Variants in NAIP observed in about 807,000 individuals in gnomAD.
NAIP encodes the protein NLR family apoptosis inhibitory protein, also known as baculoviral IAP repeat-containing protein 1.
NAIP carries 15 observed loss-of-function variants against 23.0 expected under a neutral mutation model. The ratio of observed to expected loss-of-function variants is 0.65; its 90% CI spans 0.44 to 1.00. The LOEUF is 1.00. Ranked by LOEUF, NAIP falls within the 50% of genes least tolerant of loss-of-function variation. The probability of loss-of-function intolerance (pLI) is 0.00; values close to 1 mark genes in which losing one functional copy is unlikely to be tolerated. For synonymous variants in NAIP, 100 were observed against 100.2 expected (o/e 1.00, Z 0.01); for missense variants, 265 against 278.8 (o/e 0.95, Z 0.35).
chr5:71,011,418 AG>A (rs1751152377), intron 4 of NAIP, 44 bp from the exon 5 acceptor site: 8 of 1,443,146 alleles, frequency 5.5e-6, no homozygotes, highest in African/African-American at 2.8e-5. Context: ...CAGTGGCACC[AG>A]GGGGTATGTA....
chr5:70,979,561 G>GGAGAC (rs1227034178), intron 13 of NAIP, among the ~76,000 whole-genome samples: 1 of 21,912 alleles, frequency 4.6e-5, no homozygotes, highest in Non-Finnish European at 7.2e-5. Context: ...GGCGACAGCG[G>GGAGAC]GAGACTGTCT....
Position 71,010,989 on chromosome 5 carries a change from T to A in NAIP, c.668+286A>T, listed in dbSNP as rs548960183. ...GGCTCACGCCTGTAATCCTAGCACTTCGGGAGGCCTAGGTGGGTGGACTGC... is the reference window on the plus strand; with the variant it reads ...GGCTCACGCCTGTAATCCTAGCACTACGGGAGGCCTAGGTGGGTGGACTGC... On this transcript the variant is annotated intron_variant, in intron 5 of 16. Coordinates refer to ENST00000517649, the MANE Select transcript of NAIP (RefSeq NM_004536.3). Among the ~76,000 whole-genome samples the A allele has an allele frequency of 2.0e-5, 3 of 151,240 alleles. 1 individual carries two copies. In the South Asian group the frequency reaches 6.3e-4, roughly 32 times the overall value.
intron 5 of NAIP, among the ~76,000 whole-genome samples, chr5:71,009,322 G>C (rs1433467408): frequency 1.4e-5 from 2 of 138,554 alleles, no homozygotes; most frequent in Non-Finnish European, 3.1e-5. Context: ...CTAAACTCCA[G>C]TCTGGGCTCC....
intron 4 of NAIP, among the ~76,000 whole-genome samples, 171 bp downstream of exon 4, chr5:71,012,177 T>C (rs546534810): frequency 6.6e-6 from 1 of 151,692 alleles, no homozygotes; most frequent in East Asian, 1.9e-4. Flanking sequence ...AAATAGAAAA[T>C]GAAGCAAAAA....
chr5:71,014,205 C>A (rs1049584922), intron 3 of NAIP, among the ~76,000 whole-genome samples: 3 of 150,964 alleles, frequency 2.0e-5, no homozygotes, highest in African/African-American at 7.3e-5. Context: ...TCAAGCAATT[C>A]TCCTGCCTCA....
At position 71,024,807 on chromosome 5, in the gene NAIP, T is replaced by C. The variant is rs76165570; in HGVS notation, c.-411A>G. The C allele has an allele frequency of 8.5e-5, 6 of 70,196 alleles. No homozygotes were observed. Among genetic ancestry groups the C allele is most frequent in the African/African-American group, 2.7e-4 (6 of 22,456 alleles). 4.3% of individuals were successfully genotyped at this position (70,196 alleles called of 1,614,324 possible). ...GGTGCCATCACTTAGGCATGATTGG[T>C]TAAATCACTGGCAACTGGTGGTTAA... On this transcript the variant is annotated 5_prime_UTR_variant, in exon 1 of 17. Coordinates refer to ENST00000517649, the MANE Select transcript of NAIP (RefSeq NM_004536.3).
intron 3 of NAIP, among the ~76,000 whole-genome samples, chr5:71,014,304 G>C (rs1043197981): frequency 6.6e-6 from 1 of 151,172 alleles, no homozygotes; most frequent in African/African-American, 2.4e-5. Flanking sequence ...TGCCATGTTG[G>C]CCAGCTTGGT....
At chr5:71,016,215 G>A (rs1751440024) in intron 3 of NAIP, among the ~76,000 whole-genome samples, 1 of 149,542 alleles carries the variant, frequency 6.7e-6, no homozygotes, top group African/African-American at 2.5e-5. Context: ...GATCTCTTGA[G>A]CCCAGGAATA....
At chr5:70,978,818 A>G (rs1370492698) in intron 13 of NAIP, among the ~76,000 whole-genome samples, 1 of 38,072 alleles carries the variant, frequency 2.6e-5, no homozygotes, top group Non-Finnish European at 4.0e-5. Context: ...TCTGAGATGG[A>G]GTTTTGCTCT....
chr5:70,978,154 T>A (rs867111413), intron 13 of NAIP, among the ~76,000 whole-genome samples: 2,008 of 94,258 alleles, frequency 0.021, 2 homozygotes, highest in African/African-American at 0.092. Flanking sequence ...TATATATTTT[T>A]TTTTTTTTTT....
At chr5:71,011,777 A>T (rs1234943205) in intron 4 of NAIP, 3 of 451,312 alleles carry the variant, frequency 6.6e-6, no homozygotes, top group Non-Finnish European at 1.3e-5. Flanking sequence ...CTGAGCCTCC[A>T]TGAACTCAGC....
At chr5:71,013,162 C>T (rs924008105) in intron 3 of NAIP, among the ~76,000 whole-genome samples, 3 of 151,494 alleles carry the variant, frequency 2.0e-5, no homozygotes, top group Admixed American at 1.3e-4. Context: ...ACAAGACAGA[C>T]ACCCATCTGC....
At chr5:71,014,414 C>T (rs1367864464) in intron 3 of NAIP, among the ~76,000 whole-genome samples, 2 of 151,414 alleles carry the variant, frequency 1.3e-5, no homozygotes, top group Admixed American at 6.6e-5. Context: ...GCTCCCACAC[C>T]GGGATTACAG....
chr5:71,012,044 C>T (rs185059333), intron 4 of NAIP, among the ~76,000 whole-genome samples: 4 of 151,548 alleles, frequency 2.6e-5, no homozygotes, highest in South Asian at 2.1e-4. Flanking sequence ...TCAGGATGAC[C>T]GCATGAGTTA....
chr5:71,009,291 C>A (rs1751030613), intron 5 of NAIP, among the ~76,000 whole-genome samples: 1 of 138,696 alleles, frequency 7.2e-6, no homozygotes, highest in Admixed American at 7.6e-5. Context: ...GTGGAGGTTG[C>A]AGTGAGCTGA....
intron 3 of NAIP, among the ~76,000 whole-genome samples, chr5:71,013,579 G>T (rs1751275756): frequency 6.8e-6 from 1 of 148,134 alleles, no homozygotes; most frequent in Admixed American, 6.8e-5. Flanking sequence ...GGTGGAGCTT[G>T]CAGCGAGCCG....
At chr5:71,008,801 CA>C (rs1187402726) in intron 5 of NAIP, among the ~76,000 whole-genome samples, 23 of 84,172 alleles carry the variant, frequency 2.7e-4, no homozygotes, top group East Asian at 1.7e-3. Flanking sequence ...GAGACTGTCA[CA>C]AAAAAAAAAA....
intron 3 of NAIP, among the ~76,000 whole-genome samples, chr5:71,015,039 C>T (rs1170035423): frequency 6.6e-6 from 1 of 151,622 alleles, no homozygotes; most frequent in Non-Finnish European, 1.5e-5. Flanking sequence ...CCTTTCCACA[C>T]AAATGCAAAT....
intron 4 of NAIP, 121 bp from the exon 5 acceptor site, chr5:71,011,495 A>C: frequency 7.4e-6 from 6 of 809,558 alleles, no homozygotes; most frequent in Non-Finnish European, 1.2e-5. Flanking sequence ...TCCCGATCTC[A>C]TTGGCCTGAG....
Sources: allele counts gnomAD v4.1 joint callset (sites outside exome capture counted in the v4.1 genomes callset), GRCh38; gene constraint gnomAD v4.1.1; transcripts MANE v1.5; gene names NCBI Gene and HGNC (gene_info 2026-07-23, HGNC 2026-07-21).